Variants in FAF1 observed in about 807,000 individuals in gnomAD.
FAF1 encodes FAS-associated factor 1.
In FAF1, 25 loss-of-function variants were observed where a neutral mutation model predicts 92.5. The ratio of observed to expected loss-of-function variants is 0.27; its 90% CI spans 0.20 to 0.38. The LOEUF is 0.38. Ranked by LOEUF, FAF1 falls within the 10% of genes least tolerant of loss-of-function variation. FAF1 has a pLI of 1.00. For missense variants in FAF1, 636 were observed against 793.3 expected (o/e 0.80, Z 2.38); for synonymous variants, 234 against 273.2 (o/e 0.86, Z 1.42).
rs200940170 is a variant in FAF1, at chr1:50,776,523, A to AT, written c.367+11476dup. On this transcript the variant is annotated intron_variant, in intron 4 of 18. Coordinates refer to ENST00000396153, the MANE Select transcript of FAF1 (RefSeq NM_007051.3). The stretch of plus-strand genomic sequence containing the variant: ...TCACCACACTCGAAATAAGCAGAGG[A>AT]TTTTTTTTAGTTGAAAAAATACTTA... Among the ~76,000 whole-genome samples, 1,513 of 152,126 alleles carry AT rather than the reference A, an allele frequency of 9.9e-3. 24 individuals carry two copies. Among genetic ancestry groups the AT allele is most frequent in the African/African-American group, 0.034 (1,427 of 41,500 alleles).
At chr1:50,717,796 G>T (rs1433355147) in intron 6 of FAF1, among the ~76,000 whole-genome samples, 3 of 152,094 alleles carry the variant, frequency 2.0e-5, no homozygotes, top group Non-Finnish European at 4.4e-5. Context: ...GAGGCCAGGA[G>T]TTCAAAACCA....
intron 7 of FAF1, among the ~76,000 whole-genome samples, chr1:50,676,227 T>C (rs2124353116): frequency 6.6e-6 from 1 of 151,268 alleles, no homozygotes; most frequent in South Asian, 2.1e-4. Context: ...GACAACCTGG[T>C]GAAACCCCGT....
At chr1:50,757,578 A>G (rs142692821) in intron 4 of FAF1, among the ~76,000 whole-genome samples, 5 of 152,246 alleles carry the variant, frequency 3.3e-5, no homozygotes, top group African/African-American at 1.2e-4. Flanking sequence ...TCAGGTTATG[A>G]TTACAATTTT....
chr1:50,937,142 C>T (rs557930839), intron 1 of FAF1, among the ~76,000 whole-genome samples: 24 of 152,128 alleles, frequency 1.6e-4, no homozygotes, highest in African/African-American at 5.8e-4. Flanking sequence ...TGTTACCACC[C>T]ACTCAATATG....
intron 7 of FAF1, among the ~76,000 whole-genome samples, chr1:50,671,617 A>G (rs537625242): frequency 3.9e-5 from 6 of 152,140 alleles, no homozygotes; most frequent in Admixed American, 6.5e-5. Context: ...TTTTGGGTCA[A>G]GATCCTTAAT....
intron 1 of FAF1, among the ~76,000 whole-genome samples, chr1:50,926,687 A>G (rs1645008732): frequency 2.0e-5 from 3 of 152,212 alleles, no homozygotes; most frequent in African/African-American, 7.2e-5. Flanking sequence ...GTATCCCATA[A>G]GTATACACAA....
chr1:50,936,469 A>C (rs1256095636), intron 1 of FAF1, among the ~76,000 whole-genome samples: 1 of 152,206 alleles, frequency 6.6e-6, no homozygotes, highest in African/African-American at 2.4e-5. Context: ...GAGTCAGGAG[A>C]ACTGACAAAA....
rs770971264 is a variant in FAF1, at chr1:50,857,981, T to C, written c.62A>G (p.Glu21Gly). The C allele has an allele frequency of 1.9e-6, 3 of 1,600,234 alleles. No homozygotes were observed. The highest frequency in any genetic ancestry group is 2.2e-5 in the South Asian group (2 of 88,972). ...CAATGTAATAGCTTCGTCAATGTTT[T>C]CAATGCCAGTACATGCCTGGAAAGA... ...LADFQACTGI[E>G]NIDEAITLLE... The change falls in exon 2 of 19, where the codon GAA (glutamate) becomes GGA (glycine). Residue 21 changes from glutamate (E) to glycine (G), a missense_variant. This residue lies in a region of FAF1 where 317 missense variants were observed against 342.4 expected (regional missense o/e 0.93). Coordinates refer to ENST00000396153, the MANE Select transcript of FAF1 (RefSeq NM_007051.3).
At chr1:50,729,393 T>G (rs1279412523) in intron 6 of FAF1, among the ~76,000 whole-genome samples, 1 of 149,988 alleles carries the variant, frequency 6.7e-6, no homozygotes, top group Non-Finnish European at 1.5e-5. Context: ...ACAAGTGAAA[T>G]GTACCCGTAT....
chr1:50,571,091 AAC>A (rs1650417431), intron 12 of FAF1, among the ~76,000 whole-genome samples: 2 of 152,232 alleles, frequency 1.3e-5, no homozygotes, highest in Admixed American at 1.3e-4. Context: ...AGATGAATGA[AAC>A]AGTTTCCTTA....
At position 50,830,880 on chromosome 1, in the gene FAF1, C is replaced by T. The variant is rs180934698; in HGVS notation, c.114+27049G>A. Reference sequence around the variant, plus strand: ...AATATCAACAGAATCTTTTTTGTAACCTAAACCCATTTGGAAGAAAAAAAC... The same window carrying T: ...AATATCAACAGAATCTTTTTTGTAATCTAAACCCATTTGGAAGAAAAAAAC... On this transcript the variant is annotated intron_variant, in intron 2 of 18. Coordinates refer to ENST00000396153, the MANE Select transcript of FAF1 (RefSeq NM_007051.3). Among the ~76,000 whole-genome samples, 253 of 152,046 alleles carry T rather than the reference C, an allele frequency of 1.7e-3. 2 individuals are homozygous for T. Among genetic ancestry groups the T allele is most frequent in the Admixed American group, 5.9e-3 (90 of 15,258 alleles).
intron 8 of FAF1, among the ~76,000 whole-genome samples, chr1:50,623,565 A>C (rs1653313805): frequency 6.7e-6 from 1 of 149,702 alleles, no homozygotes; most frequent in Non-Finnish European, 1.5e-5. Context: ...ACAGAGTGAG[A>C]CTCTGTCTTG....
Position 50,761,537 on chromosome 1 carries a change from C to T in FAF1, c.368-16762G>A, listed in dbSNP as rs531812089. Reference sequence around the variant, plus strand: ...TGGGATGCAAGGCTGGTTCAATATACGCAAATCAATAAATGTAATCCAGCA... The same window carrying T: ...TGGGATGCAAGGCTGGTTCAATATATGCAAATCAATAAATGTAATCCAGCA... On this transcript the variant is annotated intron_variant, in intron 4 of 18. Coordinates refer to ENST00000396153, the MANE Select transcript of FAF1 (RefSeq NM_007051.3). Among the ~76,000 whole-genome samples the T allele has an allele frequency of 3.0e-3, 452 of 152,054 alleles. 4 individuals carry two copies. Among genetic ancestry groups the T allele is most frequent in the African/African-American group, 0.01 (419 of 41,470 alleles).
At chr1:50,717,786 G>C (rs1022999198) in intron 6 of FAF1, among the ~76,000 whole-genome samples, 1 of 152,146 alleles carries the variant, frequency 6.6e-6, no homozygotes, top group Non-Finnish European at 1.5e-5. Flanking sequence ...AGGATGACTT[G>C]AGGCCAGGAG....
At chr1:50,878,828 C>G (rs1644590066) in intron 1 of FAF1, among the ~76,000 whole-genome samples, 1 of 152,136 alleles carries the variant, frequency 6.6e-6, no homozygotes, top group South Asian at 2.1e-4. Context: ...ACCATTTTAA[C>G]AATGAGATTA....
At chr1:50,931,888 A>AAATAAATAATAAT (rs372773840) in intron 1 of FAF1, among the ~76,000 whole-genome samples, 3 of 129,502 alleles carry the variant, frequency 2.3e-5, no homozygotes, top group African/African-American at 5.9e-5. Flanking sequence ...ATAAATAAAT[A>AAATAAATAATAAT]AATAATAATA....
Position 50,768,367 on chromosome 1 carries a change from T to C in FAF1, c.367+19633A>G, listed in dbSNP as rs369007203. Among the ~76,000 whole-genome samples, 12 of 152,026 alleles carry C rather than the reference T, an allele frequency of 7.9e-5. No homozygotes were observed. The South Asian group carries it at 1.5e-3, about 18-fold the overall frequency. ...ATAGTAGACTTCAACACCCCACTGATAGAATTAGATCACTGAGGCAAAAGA... is the reference window on the plus strand; with the variant it reads ...ATAGTAGACTTCAACACCCCACTGACAGAATTAGATCACTGAGGCAAAAGA... On this transcript the variant is annotated intron_variant, in intron 4 of 18. Transcript: ENST00000396153.
Position 50,554,382 on chromosome 1 carries a change from T to G in FAF1, c.1268+12695A>C, listed in dbSNP as rs1270773130. ...TGAGGTAAATATATATATATATATA[T>G]ATATATATAGAGAGAGAGAGAGAGA... On this transcript the variant is annotated intron_variant, in intron 13 of 18. Transcript: ENST00000396153. 3.9e-3 allele frequency among the ~76,000 whole-genome samples: 383 copies of G among 99,012 alleles called. 1 individual carries two copies. The highest frequency in any genetic ancestry group is 7.2e-3 in the Admixed American group (70 of 9,786). 65.0% of individuals were successfully genotyped at this position (99,012 alleles called of 152,430 possible).
chr1:50,646,870 T>C (rs1052294331), intron 8 of FAF1, among the ~76,000 whole-genome samples: 1 of 152,158 alleles, frequency 6.6e-6, no homozygotes, highest in African/African-American at 2.4e-5. Context: ...TTTTGAGACA[T>C]AGTCTCGCTC....
Sources: allele counts gnomAD v4.1 joint callset (sites outside exome capture counted in the v4.1 genomes callset), GRCh38; gene constraint gnomAD v4.1.1; regional missense constraint gnomAD v4.1.1; transcripts MANE v1.5; gene names NCBI Gene and HGNC (gene_info 2026-07-23, HGNC 2026-07-21).